CCDC150: variants seen among roughly 807,000 people sequenced by gnomAD.
The protein encoded by CCDC150 is coiled-coil domain-containing protein 150.
A neutral mutation model predicts 156.5 loss-of-function variants in CCDC150; 151 were observed. The observed-to-expected ratio is 0.97, with a 90% CI of 0.85 to 1.10. The LOEUF is 1.10. Among genes scored for constraint, CCDC150 ranks in the 50% least tolerant of loss-of-function variants. The pLI is 0.00. For synonymous variants in CCDC150, 452 were observed against 429.4 expected (o/e 1.05, Z -0.65); for missense variants, 1,312 against 1,268.1 (o/e 1.03, Z -0.53).
intron 15 of CCDC150, among the ~76,000 whole-genome samples, chr2:196,710,096 C>T (rs1696994052): frequency 6.6e-6 from 1 of 152,266 alleles, no homozygotes. Context: ...GCCTTTTGTT[C>T]AGCTATGCCC....
At chr2:196,643,085 T>A (rs1271035689) in intron 1 of CCDC150, among the ~76,000 whole-genome samples, 1 of 152,196 alleles carries the variant, frequency 6.6e-6, no homozygotes, top group African/African-American at 2.4e-5. Context: ...CTAGATTGGC[T>A]TATTTAATTT....
At chr2:196,718,732 G>C in intron 18 of CCDC150, 101 bp downstream of exon 18, 1 of 1,418,948 alleles carries the variant, frequency 7.0e-7, no homozygotes, top group East Asian at 2.4e-5. Context: ...ATTAGAATAA[G>C]GATTGATCAG....
chr2:196,731,389 T>A (rs1698512087), intron 26 of CCDC150, among the ~76,000 whole-genome samples: 1 of 93,822 alleles, frequency 1.1e-5, no homozygotes, highest in East Asian at 3.7e-4. Context: ...TTTCAAATCA[T>A]ACTTTTTTTT....
intron 2 of CCDC150, among the ~76,000 whole-genome samples, chr2:196,648,937 C>T (rs1200232438): frequency 6.6e-6 from 1 of 152,104 alleles, no homozygotes; most frequent in Non-Finnish European, 1.5e-5. Context: ...TGTGGAAAAT[C>T]AATTGACCAT....
rs1694491952 is a variant in CCDC150, at chr2:196,676,168, C to T, written c.1163C>T (p.Thr388Ile). ...LQVEQKMMTQ[T>I]FQEQNLLLDA... ...GTAGAGCAGAAAATGATGACGCAGA[C>T]ATTTCAAGAACAAAACTTATTGCTG... Residue 388 changes from threonine (T) to isoleucine (I), a missense_variant, in exon 11 of 28, where the codon ACA (threonine) becomes ATA (isoleucine). By Grantham distance (89) the Thr-to-Ile change is moderately conservative (BLOSUM62 -1). Coordinates refer to ENST00000389175, the MANE Select transcript of CCDC150 (RefSeq NM_001080539.2). 1 of 1,613,440 alleles carries T rather than the reference C, an allele frequency of 6.2e-7. No individual in the cohort carries two copies. Among genetic ancestry groups the T allele is most frequent in the African/African-American group, 1.3e-5 (1 of 74,892 alleles).
intron 1 of CCDC150, among the ~76,000 whole-genome samples, chr2:196,643,879 C>CA (rs1207707661): frequency 2.0e-5 from 3 of 151,838 alleles, no homozygotes; most frequent in East Asian, 1.9e-4. Context: ...CTAAAACAAA[C>CA]AAAAAAAAGT....
Position 196,658,792 on chromosome 2 carries a change from A to C in CCDC150, c.577A>C (p.Lys193Gln). 6.3e-7 allele frequency: 1 copy of C among 1,597,224 alleles called. No homozygotes were observed. The highest frequency in any genetic ancestry group is 8.6e-7 in the Non-Finnish European group (1 of 1,169,274). ...ATLKIASQTK[K>Q]NAAIIEEELK... ...GAATCTTTTCTCCTTCTACTTTTAG[A>C]AGAATGCAGCCATTATTGAAGAGGA... Residue 193 changes from lysine (K) to glutamine (Q), a missense_variant and splice_region_variant, in exon 5 of 28, where the codon AAG (lysine) becomes CAG (glutamine). By Grantham distance (53) the Lys-to-Gln change is moderately conservative. Coordinates refer to ENST00000389175, the MANE Select transcript of CCDC150 (RefSeq NM_001080539.2).
chr2:196,688,944 G>A (rs550145956), intron 13 of CCDC150, among the ~76,000 whole-genome samples: 10,162 of 152,126 alleles, frequency 0.067, 441 homozygotes, highest in Non-Finnish European at 0.11. Context: ...AAGGGATCCA[G>A]TTTCAGCTTT....
intron 13 of CCDC150, among the ~76,000 whole-genome samples, chr2:196,690,496 A>G (rs1375738769): frequency 6.6e-6 from 1 of 152,170 alleles, no homozygotes; most frequent in Non-Finnish European, 1.5e-5. Flanking sequence ...ATACATATAC[A>G]TATAAATTCA....
chr2:196,643,634 A>AT (rs958147220), intron 1 of CCDC150, among the ~76,000 whole-genome samples: 3 of 152,036 alleles, frequency 2.0e-5, no homozygotes, highest in East Asian at 1.9e-4. Flanking sequence ...CTCCATTTCC[A>AT]TTTTTTTCCA....
At chr2:196,720,757 C>A (rs754358509) in intron 20 of CCDC150, 89 bp downstream of exon 20, 95 of 1,122,626 alleles carry the variant, frequency 8.5e-5, no homozygotes, top group Non-Finnish European at 1.1e-4. Context: ...GTGAAACTAT[C>A]AGGTAAATGT....
intron 20 of CCDC150, 24 bp downstream of exon 20, chr2:196,720,692 G>A (rs776230468): frequency 1.3e-6 from 2 of 1,577,386 alleles, no homozygotes; most frequent in East Asian, 2.2e-5. Context: ...TTTAAAAAAT[G>A]ATAACATTGA....
At chr2:196,718,656 G>A (rs371130584) in intron 18 of CCDC150, 25 bp downstream of exon 18, 60 of 1,605,722 alleles carry the variant, frequency 3.7e-5, no homozygotes, top group Middle Eastern at 1.7e-4. Context: ...CCTTCTGACC[G>A]TCTGTCACTG....
chr2:196,686,424 C>T (rs1306756347), intron 13 of CCDC150: 1 of 152,362 alleles, frequency 6.6e-6, no homozygotes, highest in African/African-American at 2.4e-5. Context: ...AGTTCATTTG[C>T]TTTTTCATGT....
At chr2:196,728,708 GAC>G (rs1280200292) in intron 22 of CCDC150, among the ~76,000 whole-genome samples, 1 of 152,194 alleles carries the variant, frequency 6.6e-6, no homozygotes, top group African/African-American at 2.4e-5. Context: ...GGTTGCAAGT[GAC>G]AGAGAAGAGC....
intron 13 of CCDC150, among the ~76,000 whole-genome samples, chr2:196,683,919 A>T (rs1183886256): frequency 6.6e-6 from 1 of 151,978 alleles, no homozygotes; most frequent in African/African-American, 2.4e-5. Context: ...GTCCAGCTAA[A>T]GGTTTGTCAA....
chr2:196,659,598 T>C (rs546136232), intron 5 of CCDC150, among the ~76,000 whole-genome samples: 5 of 152,328 alleles, frequency 3.3e-5, no homozygotes, highest in African/African-American at 1.2e-4. Flanking sequence ...CTGAGTACTT[T>C]ATTTGCCAGT....
intron 4 of CCDC150, chr2:196,657,390 A>C: frequency 2.5e-6 from 1 of 404,336 alleles, no homozygotes; most frequent in Non-Finnish European, 4.6e-6. Flanking sequence ...GTCCAGAGGT[A>C]TGAGATAGAG....
At position 196,729,994 on chromosome 2, in the gene CCDC150, A is replaced by G. The variant is rs1698440357; in HGVS notation, c.2858A>G (p.Asn953Ser). ...CAGAGATTTGTGTGTGAAATGACTA[A>G]CCTGCAGAAAGAGATGCAGATGTTG... is the stretch of plus-strand genomic sequence containing the variant. ...SIQRFVCEMT[N>S]LQKEMQMLAK... The change falls in exon 25 of 28, where the codon AAC (asparagine) becomes AGC (serine). Residue 953 changes from asparagine (N) to serine (S), a missense_variant. By Grantham distance (46) the Asn-to-Ser change is conservative. Transcript: ENST00000389175. 2 of 1,613,484 alleles carry G rather than the reference A, an allele frequency of 1.2e-6. No individual in the cohort carries two copies. Among genetic ancestry groups the G allele is most frequent in the Non-Finnish European group, 1.7e-6 (2 of 1,179,758 alleles).
Sources: gnomAD v4.1 joint callset for allele counts (sites outside exome capture counted in the v4.1 genomes callset) on GRCh38, gnomAD v4.1.1 for gene constraint, MANE v1.5 for transcripts, NCBI Gene and HGNC (gene_info 2026-07-23, HGNC 2026-07-21) for gene names.